EZH2: variants seen among roughly 807,000 people sequenced by gnomAD.
EZH2 encodes the protein enhancer of zeste 2 polycomb repressive complex 2 subunit.
A neutral mutation model predicts 98.4 loss-of-function variants in EZH2; 18 were observed. That is an observed-to-expected ratio of 0.18 (90% CI 0.13 to 0.27). The LOEUF (loss-of-function observed/expected upper bound fraction) is 0.27. Among genes scored for constraint, EZH2 ranks in the 10% least tolerant of loss-of-function variants. EZH2 has a pLI of 1.00. For missense variants in EZH2, 470 were observed against 935.1 expected (o/e 0.50, Z 6.49); for synonymous variants, 338 against 312.3 (o/e 1.08, Z -0.87).
chr7:148,820,726 A>C (rs149589896), intron 8 of EZH2, among the ~76,000 whole-genome samples: 1 of 152,330 alleles, frequency 6.6e-6, no homozygotes, highest in East Asian at 1.9e-4. Flanking sequence ...TTATGAGTTA[A>C]ACTAACATTG....
At chr7:148,820,018 T>G (rs564361417) in intron 8 of EZH2, among the ~76,000 whole-genome samples, 1 of 152,346 alleles carries the variant, frequency 6.6e-6, no homozygotes, top group South Asian at 2.1e-4. Context: ...GTCTAAGCAG[T>G]TGATAGACCC....
intron 3 of EZH2, among the ~76,000 whole-genome samples, chr7:148,838,213 T>C (rs937242339): frequency 6.6e-6 from 1 of 152,120 alleles, no homozygotes; most frequent in Middle Eastern, 3.4e-3. Flanking sequence ...GGACTACAAG[T>C]ACGTGTCACC....
At chr7:148,862,434 C>T (rs1048848201) in intron 1 of EZH2, among the ~76,000 whole-genome samples, 15 of 152,098 alleles carry the variant, frequency 9.9e-5, no homozygotes, top group African/African-American at 3.4e-4. Context: ...AAAAGTTTTC[C>T]AAAAATTTTA....
At position 148,817,881 on chromosome 7, in the gene EZH2, G is replaced by A. The variant is rs2129471622; in HGVS notation, c.1236C>T (p.Ser412=). The A allele has an allele frequency of 1.2e-6, 2 of 1,614,170 alleles. No individual in the cohort carries two copies. The highest frequency in any genetic ancestry group is 1.7e-6 in the Non-Finnish European group (2 of 1,180,034). The part of the protein sequence containing the change: ...EEEKKDETSS[S]SEANSRCQTP... ...CAGTTATTAGACGTGTCTTACCAGA[G>A]GAGCTCGAAGTTTCATCTTTCTTCT... The change falls in exon 10 of 20, where the codon TCC becomes TCT. Residue 412 remains serine, a synonymous_variant. Coordinates refer to ENST00000320356, the MANE Select transcript of EZH2 (RefSeq NM_004456.5).
chr7:148,869,158 G>A (rs1021513148), intron 1 of EZH2, among the ~76,000 whole-genome samples: 4 of 144,950 alleles, frequency 2.8e-5, no homozygotes, highest in African/African-American at 1.2e-4. Flanking sequence ...TGACCAACTT[G>A]ATAAAGAATT....
chr7:148,878,016 A>AG (rs374964080), intron 1 of EZH2, among the ~76,000 whole-genome samples: 7 of 152,278 alleles, frequency 4.6e-5, no homozygotes, highest in Middle Eastern at 3.4e-3. Flanking sequence ...AGTTTTCTTC[A>AG]GTTTCCTCAT....
At position 148,847,226 on chromosome 7, in the gene EZH2, G is replaced by T; in HGVS notation, c.73C>A (p.Arg25=). Residue 25 remains arginine (R), a synonymous_variant, in exon 2 of 20, where the codon CGA becomes AGA. Transcript: ENST00000320356. ...CTGAACCTCTTGAGCTGTCTCAGTC[G>T]CATGTACTCTGATTTTACACGCTTC... The part of the protein sequence containing the change: ...WRKRVKSEYM[R]LRQLKRFRRA... 4.3e-6 allele frequency: 7 copies of T among 1,613,480 alleles called. No homozygotes were observed. The highest frequency in any genetic ancestry group is 5.9e-6 in the Non-Finnish European group (7 of 1,179,788).
At chr7:148,817,079 C>T in intron 11 of EZH2, 143 bp downstream of exon 11, 1 of 748,154 alleles carries the variant, frequency 1.3e-6, no homozygotes, top group Non-Finnish European at 2.0e-6. Context: ...CATTCAATTC[C>T]CTCTTGGGAA....
intron 19 of EZH2, among the ~76,000 whole-genome samples, chr7:148,808,486 G>C (rs1802122383): frequency 6.6e-6 from 1 of 152,214 alleles, no homozygotes; most frequent in East Asian, 1.9e-4. Context: ...TGACTTAAAT[G>C]TATCCCACAG....
intron 16 of EZH2, among the ~76,000 whole-genome samples, chr7:148,810,874 C>CA (rs1802839907): frequency 1.0e-5 from 1 of 98,858 alleles, no homozygotes; most frequent in Non-Finnish European, 1.8e-5. Context: ...CCGGCCTGGG[C>CA]AACAAGAGCG....
intron 1 of EZH2, among the ~76,000 whole-genome samples, chr7:148,864,109 A>C (rs1426274693): frequency 5.9e-5 from 9 of 152,244 alleles, no homozygotes; most frequent in Admixed American, 5.2e-4. Context: ...AATGATAGAA[A>C]ACATTAACTT....
chr7:148,866,808 G>A (rs1283076946), intron 1 of EZH2, among the ~76,000 whole-genome samples: 1 of 149,386 alleles, frequency 6.7e-6, no homozygotes, highest in Non-Finnish European at 1.5e-5. Flanking sequence ...TCCACCTCCT[G>A]GGTTCAAGTG....
At chr7:148,820,552 A>G (rs76652585) in intron 8 of EZH2, among the ~76,000 whole-genome samples, 16 of 131,826 alleles carry the variant, frequency 1.2e-4, no homozygotes, top group Admixed American at 5.9e-4. Context: ...AAAAGGAAGG[A>G]AAAAAAAAAA....
At chr7:148,817,179 A>C in intron 11 of EZH2, 43 bp downstream of exon 11, 5 of 1,569,518 alleles carry the variant, frequency 3.2e-6, no homozygotes, top group Non-Finnish European at 4.3e-6. Flanking sequence ...TTTTATCTCT[A>C]TGTTTGAAGC....
intron 6 of EZH2, among the ~76,000 whole-genome samples, chr7:148,827,560 C>T (rs561624683): frequency 2.6e-5 from 4 of 152,154 alleles, no homozygotes; most frequent in African/African-American, 9.7e-5. Context: ...ATCACTTTAC[C>T]TCTTGGGTCT....
At chr7:148,821,162 G>A (rs1805956981) in intron 8 of EZH2, 1 of 146,326 alleles carries the variant, frequency 6.8e-6, no homozygotes, top group Non-Finnish European at 1.5e-5. Context: ...CTGGATAGAA[G>A]GTAAAACCAT....
chr7:148,814,715 CACAG>C (rs1276921059), intron 14 of EZH2, among the ~76,000 whole-genome samples, 195 bp downstream of exon 14: 1 of 152,170 alleles, frequency 6.6e-6, no homozygotes, highest in Non-Finnish European at 1.5e-5. Context: ...GCCTCACACA[CACAG>C]ACACACAACA....
chr7:148,860,480 T>C (rs966691397), intron 1 of EZH2, among the ~76,000 whole-genome samples: 4 of 152,082 alleles, frequency 2.6e-5, no homozygotes, highest in African/African-American at 7.2e-5. Context: ...CAGAACTTCA[T>C]TGAGGTTAAT....
intron 12 of EZH2, 77 bp from the exon 13 acceptor site, chr7:148,815,623 C>T: frequency 7.9e-7 from 1 of 1,258,586 alleles, no homozygotes; most frequent in South Asian, 1.2e-5. Context: ...TTAACTGGAT[C>T]TATCTGTGCC....
Sources: allele counts gnomAD v4.1 joint callset (sites outside exome capture counted in the v4.1 genomes callset), GRCh38; gene constraint gnomAD v4.1.1; transcripts MANE v1.5; gene names NCBI Gene and HGNC (gene_info 2026-07-23, HGNC 2026-07-21).